The following REEP4 variants were observed in gnomAD, a reference collection of about 807,000 sequenced individuals.
REEP4 encodes receptor expression-enhancing protein 4.
In REEP4, 17 loss-of-function variants were observed where a neutral mutation model predicts 33.5. That is an observed-to-expected ratio of 0.51 (90% CI 0.35 to 0.76). The LOEUF (loss-of-function observed/expected upper bound fraction) is 0.76. Among genes scored for constraint, REEP4 ranks in the 30% least tolerant of loss-of-function variants. The pLI is 0.01. For synonymous variants in REEP4, 157 were observed against 142.9 expected (o/e 1.10, Z -0.70); for missense variants, 340 against 357.9 (o/e 0.95, Z 0.40).
rs757828539 is a variant in REEP4, at chr8:22,138,451, G to C, written c.*36C>G. 1.2e-6 allele frequency: 2 copies of C among 1,610,300 alleles called. No homozygotes were observed. The highest frequency in any genetic ancestry group is 1.7e-6 in the Non-Finnish European group (2 of 1,179,082). ...CTCCAAATAGCCCTGGAGCCCTGCA[G>C]GGCACGAGGTAAGAAGGGGGCAGAT... On this transcript the variant is annotated 3_prime_UTR_variant, in exon 8 of 8. Transcript: ENST00000306306.
intron 2 of REEP4, among the ~76,000 whole-genome samples, 179 bp from the exon 3 acceptor site, chr8:22,140,427 T>C (rs896317080): frequency 1.4e-4 from 21 of 152,040 alleles, no homozygotes; most frequent in Non-Finnish European, 2.9e-4. Context: ...TCCAACAAGC[T>C]TCACCCACCA....
Position 22,139,058 on chromosome 8 carries a change from G to C in REEP4, c.421C>G (p.Gln141Glu), listed in dbSNP as rs1056670401. ...CGCAGCCTGCCGGCCAGCGCCCCCT[G>C]ACTCTGCGAGGGGGAAGAGGCTTCA... ...SAAVQAATKS[Q>E]GALAGRLRSF... The change falls in exon 6 of 8, where the codon CAG (glutamine) becomes GAG (glutamate). Residue 141 changes from glutamine (Q) to glutamate (E), a missense_variant. Transcript: ENST00000306306. 5 of 1,569,032 alleles carry C rather than the reference G, an allele frequency of 3.2e-6. No homozygotes were observed. Among genetic ancestry groups the C allele is most frequent in the South Asian group, 1.2e-5 (1 of 83,562 alleles).
chr8:22,138,508 C>T lies in REEP4; in HGVS notation c.753G>A (p.Val251=). ...GACCCTAGCTGTCCACGTCTGAGGGCACAGTCTTTTTCCTCGTCCGAACCT... is the reference window on the plus strand; with the variant it reads ...GACCCTAGCTGTCCACGTCTGAGGGTACAGTCTTTTTCCTCGTCCGAACCT... ...SLKVRTRKKT[V]PSDVDS is the part of the protein sequence containing the mutation. The change falls in exon 8 of 8, where the codon GTG becomes GTA. Residue 251 remains valine (V), a synonymous_variant. Coordinates refer to ENST00000306306, the MANE Select transcript of REEP4 (RefSeq NM_025232.4). 1.2e-6 allele frequency: 2 copies of T among 1,613,430 alleles called. No homozygotes were observed. Among genetic ancestry groups the T allele is most frequent in the Non-Finnish European group, 1.7e-6 (2 of 1,179,938 alleles).
rs1827175590 is a variant in REEP4 at position 22,138,909 on chromosome 8, C to A, written c.553+17G>T. 4 of 1,563,204 alleles carry A rather than the reference C, an allele frequency of 2.6e-6. No homozygotes were observed. The African/African-American group carries it at 4.1e-5, about 16-fold the overall frequency. Reference sequence around the variant, plus strand: ...CCATCCCTCCTGGCATGGCTCTGGGCCCCTCTGCCCGCTCACCAATGGGTG... The same window carrying A: ...CCATCCCTCCTGGCATGGCTCTGGGACCCTCTGCCCGCTCACCAATGGGTG... On this transcript the variant is annotated intron_variant, in intron 6 of 7. Coordinates refer to ENST00000306306, the MANE Select transcript of REEP4 (RefSeq NM_025232.4).
chr8:22,138,609 T>C, intron 7 of REEP4, 30 bp downstream of exon 7: 1 of 1,613,846 alleles, frequency 6.2e-7, no homozygotes, highest in Non-Finnish European at 8.5e-7. Flanking sequence ...AGCAGAGCCC[T>C]CCTCCCTCCT....
rs148336987 is a variant in REEP4 at position 22,139,966 on chromosome 8, C to G, written c.300G>C (p.Glu100Asp). Residue 100 changes from glutamate to aspartate, a missense_variant, in exon 4 of 8, where the codon GAG becomes GAC. Physicochemically the swap from Glu to Asp is conservative, Grantham distance 45. Transcript: ENST00000306306. The stretch of plus-strand genomic sequence containing the variant: ...TTCCCGCTTCCCCCTGGGGTACCTT[C>G]TCATGGCGGGACAGGGACGGGTGGA... The part of the protein sequence containing the change: ...KFVHPSLSRH[E>D]KEIDAYIVQA... 751 of 1,587,400 alleles carry G rather than the reference C, an allele frequency of 4.7e-4. 3 individuals carry two copies. Among genetic ancestry groups the G allele is most frequent in the Non-Finnish European group, 5.6e-4 (656 of 1,165,802 alleles).
At chr8:22,139,384 G>T (rs1421669966) in intron 5 of REEP4, 32 bp downstream of exon 5, 1 of 1,549,524 alleles carries the variant, frequency 6.5e-7, no homozygotes, top group South Asian at 1.1e-5. Context: ...GGGTGGGATG[G>T]GGGCTGCTGG....
At chr8:22,139,691 C>T in intron 4 of REEP4, 162 bp from the exon 5 acceptor site, 1 of 691,502 alleles carries the variant, frequency 1.4e-6, no homozygotes, top group Non-Finnish European at 2.4e-6. Context: ...AAGAGCAGGG[C>T]TGCCACCCGC....
At position 22,141,678 on chromosome 8, in the gene REEP4, C is replaced by A; in HGVS notation, c.-196G>T. On this transcript the variant is annotated 5_prime_UTR_variant, in exon 1 of 8. Coordinates refer to ENST00000306306, the MANE Select transcript of REEP4 (RefSeq NM_025232.4). Reference sequence around the variant, plus strand: ...AGGGGACCTGGAGAATGGGGAGACCCGAGGCAAAGCGGCCCCGGCGGGGAG... The same window carrying A: ...AGGGGACCTGGAGAATGGGGAGACCAGAGGCAAAGCGGCCCCGGCGGGGAG... 1 of 456,324 alleles carries A rather than the reference C, an allele frequency of 2.2e-6. No individual in the cohort carries two copies. Among genetic ancestry groups the A allele is most frequent in the Admixed American group, 4.4e-5 (1 of 22,902 alleles). The allele number at this position is 456,324 out of a possible 1,614,324, so 28.3% of individuals were successfully genotyped here. A position where few individuals can be genotyped will look rare whatever the true frequency, so the allele number is the denominator to read the frequency against.
In REEP4 at chr8:22,141,760, G is replaced by A. The variant is rs1827236101; in HGVS notation, c.-278C>T. Reference sequence around the variant, plus strand: ...GCCGGGGCAGTTACAGCTCCCACCCGCCCTTTCTGCCGCGGAGAACCTGGC... The same window carrying A: ...GCCGGGGCAGTTACAGCTCCCACCCACCCTTTCTGCCGCGGAGAACCTGGC... On this transcript the variant is annotated 5_prime_UTR_variant, in exon 1 of 8. Transcript: ENST00000306306. 2 of 393,590 alleles carry A rather than the reference G, an allele frequency of 5.1e-6. No individual in the cohort carries two copies. Among genetic ancestry groups the A allele is most frequent in the Non-Finnish European group, 4.5e-6 (1 of 221,266 alleles). The allele number at this position is 393,590 out of a possible 1,614,324, so 24.4% of individuals were successfully genotyped here. A position where few individuals can be genotyped will look rare whatever the true frequency, so the allele number is the denominator to read the frequency against.
chr8:22,139,347 G>T (rs1356501626), intron 5 of REEP4, 69 bp downstream of exon 5: 2 of 1,322,706 alleles, frequency 1.5e-6, no homozygotes, highest in Admixed American at 1.7e-5. Flanking sequence ...CCTGGCAGAG[G>T]AGCTGAATGA....
intron 5 of REEP4, 53 bp downstream of exon 5, chr8:22,139,363 A>C: frequency 6.8e-7 from 1 of 1,464,010 alleles, no homozygotes; most frequent in East Asian, 2.3e-5. Flanking sequence ...AATGAGCCCA[A>C]AGGGCCTTAG....
chr8:22,141,655 G>T lies in REEP4; in HGVS notation c.-173C>A, dbSNP rs1475349709. The T allele has an allele frequency of 7.2e-6, 4 of 555,342 alleles. No individual in the cohort carries two copies. Among genetic ancestry groups the T allele is most frequent in the Non-Finnish European group, 1.2e-5 (4 of 335,676 alleles). The allele number at this position is 555,342 out of a possible 1,614,324, so 34.4% of individuals were successfully genotyped here. ...CACGGCCTCCGACTGTGCAGTTCAG[G>T]GGACCTGGAGAATGGGGAGACCCGA... On this transcript the variant is annotated 5_prime_UTR_variant, in exon 1 of 8. Transcript: ENST00000306306.
Position 22,139,504 on chromosome 8 carries a change from G to A in REEP4, c.329C>T (p.Ala110Val). Residue 110 changes from alanine to valine, a missense_variant, in exon 5 of 8, where the codon GCC becomes GTC. Ala to Val is a moderately conservative substitution (Grantham distance 64). Coordinates refer to ENST00000306306, the MANE Select transcript of REEP4 (RefSeq NM_025232.4). ...EKEIDAYIVQAKERSYETVLS... is the reference protein window; with the variant it reads ...EKEIDAYIVQVKERSYETVLS... ...CACGGTCTCGTAGCTGCGCTCCTTGGCCTGCACGATGTACGCGTCGATCTC... is the reference window on the plus strand; with the variant it reads ...CACGGTCTCGTAGCTGCGCTCCTTGACCTGCACGATGTACGCGTCGATCTC... The A allele has an allele frequency of 1.9e-6, 3 of 1,610,520 alleles. No homozygotes were observed. Among genetic ancestry groups the A allele is most frequent in the Non-Finnish European group, 2.5e-6 (3 of 1,179,832 alleles).
At chr8:22,140,562 G>A (rs775086802) in intron 2 of REEP4, 63 bp downstream of exon 2, 2 of 1,438,508 alleles carry the variant, frequency 1.4e-6, no homozygotes, top group African/African-American at 2.8e-5. Context: ...GGAGGGAGAG[G>A]CCAACTGAGA....
chr8:22,138,563 G>A lies in REEP4; in HGVS notation c.709-11C>T. The stretch of plus-strand genomic sequence containing the variant: ...GGAGCGCGAGGTGCCCTGGGGAAAG[G>A]GGAGGCACAGCATGAGGGTGTGGGG... On this transcript the variant is annotated splice_polypyrimidine_tract_variant and intron_variant, in intron 7 of 7. Transcript: ENST00000306306. 1 of 1,613,964 alleles carries A rather than the reference G, an allele frequency of 6.2e-7. No individual in the cohort carries two copies. Among genetic ancestry groups the A allele is most frequent in the South Asian group, 1.1e-5 (1 of 91,088 alleles).
chr8:22,141,546 G>T lies in REEP4; in HGVS notation c.-64C>A. On this transcript the variant is annotated 5_prime_UTR_variant, in exon 1 of 8. Transcript: ENST00000306306. ...CCGCTCAGAAGGACGTTCACTCAAG[G>T]GCTGGGACGGGGGGTGATCAGGGCA... 6.5e-7 allele frequency: 1 copy of T among 1,543,946 alleles called. No individual in the cohort carries two copies. The highest frequency in any genetic ancestry group is 8.8e-7 in the Non-Finnish European group (1 of 1,139,176).
chr8:22,140,561 G>T, intron 2 of REEP4, 64 bp downstream of exon 2: 1 of 1,433,882 alleles, frequency 7.0e-7, no homozygotes, highest in Non-Finnish European at 9.7e-7. Flanking sequence ...AGGAGGGAGA[G>T]GCCAACTGAG....
chr8:22,138,549 T>A lies in REEP4; in HGVS notation c.712A>T (p.Thr238Ser). The change falls in exon 8 of 8, where the codon ACC (threonine) becomes TCC (serine). Residue 238 changes from threonine to serine, a missense_variant. Coordinates refer to ENST00000306306, the MANE Select transcript of REEP4 (RefSeq NM_025232.4). ...GTCCGAACCTTCAGGGAGCGCGAGG[T>A]GCCCTGGGGAAAGGGGAGGCACAGC... The part of the protein sequence containing the change: ...VKRKPPVREG[T>S]SRSLKVRTRK... 2 of 1,613,838 alleles carry A rather than the reference T, an allele frequency of 1.2e-6. No homozygotes were observed. The highest frequency in any genetic ancestry group is 1.7e-6 in the Non-Finnish European group (2 of 1,179,998).
Sources: gnomAD v4.1 joint callset for allele counts (sites outside exome capture counted in the v4.1 genomes callset) on GRCh38, gnomAD v4.1.1 for gene constraint, MANE v1.5 for transcripts, NCBI Gene and HGNC (gene_info 2026-07-23, HGNC 2026-07-21) for gene names.